FHIT: variants seen among roughly 807,000 people sequenced by gnomAD.
FHIT encodes the protein bis(5'-adenosyl)-triphosphatase.
Under a neutral mutation model 17.9 loss-of-function variants are expected in FHIT, and 19 were observed. The observed-to-expected ratio is 1.06, with a 90% confidence interval of 0.74 to 1.56. The LOEUF (loss-of-function observed/expected upper bound fraction) is 1.56, where lower values mean the gene tolerates loss of function less well. Ranked by LOEUF, FHIT falls within the 40% of genes most tolerant of loss-of-function variation. The probability of loss-of-function intolerance (pLI) is 0.00; values close to 1 mark genes in which losing one functional copy is unlikely to be tolerated. For synonymous variants in FHIT, 81 were observed against 69.7 expected, an observed-to-expected ratio of 1.16 and a Z score of -0.81; for missense variants, 248 against 189.2, an observed-to-expected ratio of 1.31 and a Z score of -1.82.
At chr3:60,201,873 A>C (rs1239883418) in intron 5 of FHIT, among the ~76,000 whole-genome samples, 1 of 151,668 alleles carries the variant, frequency 6.6e-6, no homozygotes, top group Non-Finnish European at 1.5e-5. Context: ...AGAATGCTTT[A>C]GAAATTCTTG....
intron 2 of FHIT, among the ~76,000 whole-genome samples, chr3:61,095,593 A>G (rs1476344867): frequency 6.6e-6 from 1 of 152,180 alleles, no homozygotes; most frequent in African/African-American, 2.4e-5. Flanking sequence ...ATTGCACAGC[A>G]GCACAGCCTA....
At chr3:60,654,548 G>A (rs1201313915) in intron 4 of FHIT, among the ~76,000 whole-genome samples, 5 of 139,998 alleles carry the variant, frequency 3.6e-5, no homozygotes, top group Non-Finnish European at 6.2e-5. Context: ...AAAGGCAATA[G>A]GACATCAGAA....
At chr3:60,088,073 A>T (rs989421700) in intron 5 of FHIT, among the ~76,000 whole-genome samples, 6 of 152,162 alleles carry the variant, frequency 3.9e-5, no homozygotes, top group African/African-American at 1.4e-4. Context: ...GATGAAAGGG[A>T]GCTTATGAGC....
At chr3:60,745,859 C>T (rs545083861) in intron 4 of FHIT, among the ~76,000 whole-genome samples, 2 of 152,220 alleles carry the variant, frequency 1.3e-5, no homozygotes, top group South Asian at 4.1e-4. Flanking sequence ...ATCTGTACTC[C>T]CTCATCCCCA....
At chr3:60,114,155 A>G (rs537628337) in intron 5 of FHIT, among the ~76,000 whole-genome samples, 1 of 148,580 alleles carries the variant, frequency 6.7e-6, no homozygotes, top group Non-Finnish European at 1.5e-5. Flanking sequence ...CCTTTTATGT[A>G]AATTACTTAC....
Position 60,471,080 on chromosome 3 carries a change from A to G in FHIT, c.103+65780T>C, listed in dbSNP as rs144792132. Among the ~76,000 whole-genome samples, 27 of 152,326 alleles carry G rather than the reference A, an allele frequency of 1.8e-4. 1 individual carries two copies. Among genetic ancestry groups the G allele is most frequent in the African/African-American group, 6.5e-4 (27 of 41,580 alleles). On this transcript the variant is annotated intron_variant, in intron 5 of 9. Transcript: ENST00000492590. ...TGCCCTATGCTACTATGGCTGAACT[A>G]GTATCCAAGTTGCAAAACAATATCC...
intron 4 of FHIT, among the ~76,000 whole-genome samples, chr3:60,567,746 A>T (rs1205228732): frequency 6.6e-6 from 1 of 152,202 alleles, no homozygotes; most frequent in African/African-American, 2.4e-5. Flanking sequence ...CAATGAACTC[A>T]AACAAATCTA....
chr3:60,601,972 C>T lies in FHIT; in HGVS notation c.-17-64993G>A, dbSNP rs532702610. ...AAACTAAATTACCATGATGGAGAAA[C>T]TCAAAATAATTTCACTGAATACCTG... On this transcript the variant is annotated intron_variant, in intron 4 of 9. Transcript: ENST00000492590. Among the ~76,000 whole-genome samples the T allele has an allele frequency of 4.6e-5, 7 of 152,180 alleles. No homozygotes were observed. The South Asian group carries it at 1.5e-3, about 32-fold the overall frequency.
intron 3 of FHIT, among the ~76,000 whole-genome samples, chr3:61,006,473 G>A (rs901163804): frequency 6.6e-6 from 1 of 152,016 alleles, no homozygotes; most frequent in Non-Finnish European, 1.5e-5. Context: ...TTTTAGGGAT[G>A]ACACTTGGCA....
At chr3:59,819,635 C>T (rs1372626995) in intron 8 of FHIT, among the ~76,000 whole-genome samples, 1 of 152,202 alleles carries the variant, frequency 6.6e-6, no homozygotes, top group Non-Finnish European at 1.5e-5. Flanking sequence ...TATTTGCACA[C>T]ATCTAAATAC....
At chr3:60,307,987 C>G (rs1708760095) in intron 5 of FHIT, among the ~76,000 whole-genome samples, 1 of 152,168 alleles carries the variant, frequency 6.6e-6, no homozygotes, top group South Asian at 2.1e-4. Context: ...TATGTGCTGA[C>G]TCACTGAATC....
chr3:61,176,080 C>G (rs2038148498), intron 2 of FHIT, among the ~76,000 whole-genome samples: 1 of 152,226 alleles, frequency 6.6e-6, no homozygotes, highest in African/African-American at 2.4e-5. Flanking sequence ...AAATAGATAA[C>G]TGATGAACAT....
chr3:59,872,360 A>G (rs893287138), intron 8 of FHIT, among the ~76,000 whole-genome samples: 2 of 152,204 alleles, frequency 1.3e-5, no homozygotes, highest in Non-Finnish European at 2.9e-5. Context: ...GATGAGGCTG[A>G]TGTGGGGACT....
intron 4 of FHIT, among the ~76,000 whole-genome samples, chr3:60,639,114 T>C (rs1553684711): frequency 6.7e-6 from 1 of 149,046 alleles, no homozygotes. Context: ...GTGAGCTCTA[T>C]AGTTAAAGCA....
chr3:59,847,629 C>T (rs1394824401), intron 8 of FHIT, among the ~76,000 whole-genome samples: 4 of 152,102 alleles, frequency 2.6e-5, no homozygotes, highest in South Asian at 2.1e-4. Context: ...ATGCTTAATA[C>T]GTTCCTGTTG....
intron 5 of FHIT, among the ~76,000 whole-genome samples, chr3:60,028,353 T>C (rs62238400): frequency 0.17 from 26,323 of 152,168 alleles, 2,416 homozygotes; most frequent in East Asian, 0.29. Flanking sequence ...CTCTGGGTCA[T>C]TGGGTAAAGT....
At chr3:61,084,813 T>C (rs1272754480) in intron 2 of FHIT, among the ~76,000 whole-genome samples, 1 of 152,182 alleles carries the variant, frequency 6.6e-6, no homozygotes, top group Admixed American at 6.5e-5. Context: ...TCATGCCCTT[T>C]GCAGTTAATC....
intron 5 of FHIT, among the ~76,000 whole-genome samples, chr3:60,422,979 T>C (rs1441250203): frequency 1.3e-5 from 2 of 152,166 alleles, no homozygotes; most frequent in Non-Finnish European, 2.9e-5. Context: ...CCTACACTTG[T>C]ATTTTTAAAA....
At chr3:60,025,662 T>C (rs1459978718) in intron 5 of FHIT, among the ~76,000 whole-genome samples, 2 of 151,810 alleles carry the variant, frequency 1.3e-5, no homozygotes, top group South Asian at 4.2e-4. Context: ...ATAAAGATGA[T>C]TGTGTGATCC....
Sources: gnomAD v4.1 joint callset for allele counts (sites outside exome capture counted in the v4.1 genomes callset) on GRCh38, gnomAD v4.1.1 for gene constraint, MANE v1.5 for transcripts, NCBI Gene and HGNC (gene_info 2026-07-23, HGNC 2026-07-21) for gene names.